The following RGL1 variants were observed in gnomAD, a reference collection of about 807,000 sequenced individuals.
The protein encoded by RGL1 is ral guanine nucleotide dissociation stimulator-like 1.
In RGL1, 24 loss-of-function variants were observed where a neutral mutation model predicts 95.2. That is an observed-to-expected ratio of 0.25 (90% confidence interval 0.18 to 0.35). RGL1 has a LOEUF of 0.35. RGL1 is among the 10% of genes least tolerant of loss of function. The pLI is 1.00. For missense variants in RGL1, 715 were observed against 936.3 expected, an observed-to-expected ratio of 0.76 and a Z score of 3.08; for synonymous variants, 329 against 344.9, an observed-to-expected ratio of 0.95 and a Z score of 0.51.
intron 10 of RGL1, 144 bp from the exon 11 acceptor site, chr1:183,900,006 T>C: frequency 1.8e-6 from 1 of 567,360 alleles, no homozygotes; most frequent in Non-Finnish European, 3.2e-6. Context: ...TGTGTAGAAA[T>C]TTAAAAAATG....
intron 1 of RGL1, among the ~76,000 whole-genome samples, chr1:183,805,996 T>TTTTTTTTTTTTTTTTTTTTTTTTTTC (rs1661301000): frequency 2.4e-5 from 2 of 81,648 alleles, no homozygotes; most frequent in Non-Finnish European, 4.7e-5. Flanking sequence ...TTTTTTTTTT[T>TTTTTTTTTTTTTTTTTTTTTTTTTTC]TTTTTTTTTT....
At chr1:183,848,666 A>G (rs985731950) in intron 3 of RGL1, among the ~76,000 whole-genome samples, 5 of 152,208 alleles carry the variant, frequency 3.3e-5, no homozygotes, top group East Asian at 3.8e-4. Context: ...AAGTTTGTTC[A>G]TATTGCTGCC....
chr1:183,876,742 T>C (rs1257645491), intron 4 of RGL1, among the ~76,000 whole-genome samples: 3 of 152,356 alleles, frequency 2.0e-5, no homozygotes, highest in East Asian at 1.9e-4. Flanking sequence ...CTTGTGTGTG[T>C]GTTCACAGCA....
At position 183,867,819 on chromosome 1, in the gene RGL1, G is replaced by A. The variant is rs569399430; in HGVS notation, c.425+1746G>A. On this transcript the variant is annotated intron_variant, in intron 4 of 17. Coordinates refer to ENST00000360851, the MANE Select transcript of RGL1 (RefSeq NM_001297671.3). Reference sequence around the variant, plus strand: ...TCATTTTGGGGCCAAAAGTCTGGGGGGAATCCTGTGGAATTTTTAACTCCT... The same window carrying A: ...TCATTTTGGGGCCAAAAGTCTGGGGAGAATCCTGTGGAATTTTTAACTCCT... Among the ~76,000 whole-genome samples the A allele has an allele frequency of 9.9e-4, 150 of 152,104 alleles. 1 individual carries two copies. Among genetic ancestry groups the A allele is most frequent in the Admixed American group, 1.6e-3 (25 of 15,288 alleles).
At chr1:183,885,501 G>T (rs548984155) in intron 7 of RGL1, among the ~76,000 whole-genome samples, 1 of 152,292 alleles carries the variant, frequency 6.6e-6, no homozygotes, top group African/African-American at 2.4e-5. Context: ...GAGGGGAGGA[G>T]TCTGTTCCTA....
Position 183,884,937 on chromosome 1 carries a change from A to G in RGL1, c.950A>G (p.His317Arg), listed in dbSNP as rs1264022896. 3.7e-6 allele frequency: 6 copies of G among 1,612,340 alleles called. No homozygotes were observed. The highest frequency in any genetic ancestry group is 3.3e-5 in the South Asian group (3 of 90,966). The stretch of plus-strand genomic sequence containing the variant: ...ATTGAGAAGTGGATCAACATCGCTC[A>G]TGTAATTGTCTTTTATAAAATATTC... ...KIIEKWINIA[H>R]ECRLLKNFSS... The change falls in exon 7 of 18, where the codon CAT becomes CGT. Residue 317 changes from histidine to arginine, a missense_variant and splice_region_variant. Physicochemically the swap from His to Arg is conservative, Grantham distance 29. Coordinates refer to ENST00000360851, the MANE Select transcript of RGL1 (RefSeq NM_001297671.3).
chr1:183,660,540 C>G (rs12035427), intron 1 of RGL1, among the ~76,000 whole-genome samples: 10,404 of 148,610 alleles, frequency 0.07, 731 homozygotes, highest in African/African-American at 0.18. Context: ...CAATACAGGA[C>G]CACCCAGATT....
At chr1:183,805,966 CTTTTCTTTTTTTT>C (rs1661276289) in intron 1 of RGL1, among the ~76,000 whole-genome samples, 3 of 28,400 alleles carry the variant, frequency 1.1e-4, no homozygotes, top group Admixed American at 7.8e-4. Flanking sequence ...TTTTTCTTTT[CTTTTCTTTTTTTT>C]TTTTTTTTTT....
At chr1:183,849,083 A>T (rs564832552) in intron 3 of RGL1, among the ~76,000 whole-genome samples, 4 of 152,054 alleles carry the variant, frequency 2.6e-5, no homozygotes, top group South Asian at 2.1e-4. Flanking sequence ...CATTTAAAAA[A>T]TTTTTTTTTT....
intron 1 of RGL1, among the ~76,000 whole-genome samples, chr1:183,704,137 C>T (rs1169925704): frequency 6.6e-6 from 1 of 152,164 alleles, no homozygotes; most frequent in Non-Finnish European, 1.5e-5. Flanking sequence ...TGTTTGGCTA[C>T]CTAATCTGCT....
At chr1:183,859,693 C>A (rs1665386854) in intron 3 of RGL1, among the ~76,000 whole-genome samples, 2 of 152,266 alleles carry the variant, frequency 1.3e-5, no homozygotes, top group Non-Finnish European at 2.9e-5. Context: ...AGAGAACTAA[C>A]CCTCATAAAT....
chr1:183,685,703 G>A (rs541265553), intron 1 of RGL1, among the ~76,000 whole-genome samples: 32 of 152,288 alleles, frequency 2.1e-4, no homozygotes, highest in African/African-American at 7.7e-4. Flanking sequence ...ATAAGTCAAA[G>A]CATGGCAAGT....
rs574180426 is a variant in RGL1 at position 183,830,579 on chromosome 1, C to T, written c.139-16987C>T. ...CAAACAGTTGGCCCAGTGGCATCTA[C>T]ATCAGATAGAACAATAAGAGCAATG... is the stretch of plus-strand genomic sequence containing the variant. On this transcript the variant is annotated intron_variant, in intron 2 of 17. Transcript: ENST00000360851. Among the ~76,000 whole-genome samples, 3 of 152,110 alleles carry T rather than the reference C, an allele frequency of 2.0e-5. No homozygotes were observed. In the South Asian group the frequency reaches 6.2e-4, roughly 32 times the overall value.
Position 183,902,580 on chromosome 1 carries a change from A to T in RGL1, c.1330A>T (p.Asn444Tyr). The T allele has an allele frequency of 6.2e-7, 1 of 1,611,198 alleles. No homozygotes were observed. Among genetic ancestry groups the T allele is most frequent in the South Asian group, 1.1e-5 (1 of 90,362 alleles). The change falls in exon 12 of 18, where the codon AAC becomes TAC. Residue 444 changes from asparagine to tyrosine, a missense_variant. Physicochemically the swap from Asn to Tyr is moderately radical, Grantham distance 143. Around this residue, in one of 3 missense-constraint regions of RGL1, gnomAD observed 330 missense variants for 429.6 expected, o/e 0.77. Coordinates refer to ENST00000360851, the MANE Select transcript of RGL1 (RefSeq NM_001297671.3). ...AAATTTCTTTTAGGGTGGACTGATA[A>T]ACTTTGAGAAAAGGAGAAGGGTAAG... ...LQDYIEGGLI[N>Y]FEKRRREFEV...
At chr1:183,740,431 A>G (rs956854854) in intron 1 of RGL1, among the ~76,000 whole-genome samples, 2 of 152,226 alleles carry the variant, frequency 1.3e-5, no homozygotes, top group African/African-American at 4.8e-5. Flanking sequence ...GGGAAGCCCC[A>G]GAGCAGAGAA....
intron 1 of RGL1, among the ~76,000 whole-genome samples, chr1:183,737,489 C>G (rs1270988841): frequency 6.6e-6 from 1 of 151,776 alleles, no homozygotes; most frequent in African/African-American, 2.4e-5. Flanking sequence ...GTGGCTCATG[C>G]CTGTAATCTT....
rs112062653 is a variant in RGL1 at position 183,657,139 on chromosome 1, A to G, written c.-33+20638A>G. On this transcript the variant is annotated intron_variant, in intron 1 of 18. Transcript: ENST00000304685. ...TGATAAGGGATTCTGTTAAATCTGT[A>G]TAGCACTTTAGGTCATATGGACATT... 4.0e-3 allele frequency among the ~76,000 whole-genome samples: 611 copies of G among 152,142 alleles called. 5 individuals are homozygous for G. Among genetic ancestry groups the G allele is most frequent in the African/African-American group, 0.014 (578 of 41,518 alleles).
intron 2 of RGL1, among the ~76,000 whole-genome samples, chr1:183,847,318 G>A (rs941975014): frequency 4.6e-5 from 7 of 152,132 alleles, no homozygotes; most frequent in Non-Finnish European, 1.0e-4. Flanking sequence ...AGCAGAGCAT[G>A]GTTGCCTGAG....
intron 3 of RGL1, among the ~76,000 whole-genome samples, chr1:183,865,669 G>T (rs565842738): frequency 6.6e-6 from 1 of 152,252 alleles, no homozygotes; most frequent in South Asian, 2.1e-4. Context: ...TGAGGAATCT[G>T]CCTTCTTCGT....
Sources: gnomAD v4.1 joint callset for allele counts (sites outside exome capture counted in the v4.1 genomes callset) on GRCh38, gnomAD v4.1.1 for gene constraint, gnomAD v4.1.1 regional missense constraint, MANE v1.5 for transcripts, NCBI Gene and HGNC (gene_info 2026-07-23, HGNC 2026-07-21) for gene names.